AKR1C8: variants seen among roughly 807,000 people sequenced by gnomAD.
AKR1C8 encodes the protein aldo-keto reductase family 1 member C-like protein 1.
At chr10:5,125,144 T>C in the AKR1C8 span, among the ~76,000 whole-genome samples, 1 of 152,192 alleles carries the variant, frequency 6.6e-6, no homozygotes, top group African/African-American at 2.4e-5. Context: ...ACACATCTTT[T>C]ATTAGGTATA....
the AKR1C8 span, chr10:5,132,619 T>C: frequency 6.3e-7 from 1 of 1,583,558 alleles, no homozygotes; most frequent in Admixed American, 1.7e-5. Context: ...GTGTAGAATA[T>C]GTCTTCTCTC....
chr10:5,137,531 C>G, the AKR1C8 span, among the ~76,000 whole-genome samples: 2 of 152,022 alleles, frequency 1.3e-5, no homozygotes, highest in Non-Finnish European at 2.9e-5. Flanking sequence ...GAGAAAAGGC[C>G]TTCGACAAAA....
the AKR1C8 span, among the ~76,000 whole-genome samples, chr10:5,182,508 G>C: frequency 3.9e-5 from 6 of 152,090 alleles, no homozygotes; most frequent in African/African-American, 1.4e-4. Context: ...ATAAATATTT[G>C]AGAGTACAAA....
At chr10:5,127,401 T>A in the AKR1C8 span, among the ~76,000 whole-genome samples, 1 of 152,182 alleles carries the variant, frequency 6.6e-6, no homozygotes, top group Non-Finnish European at 1.5e-5. Flanking sequence ...ACAAGGCTTT[T>A]GAATTAACCC....
At chr10:5,152,080 G>T in the AKR1C8 span, among the ~76,000 whole-genome samples, 4 of 152,026 alleles carry the variant, frequency 2.6e-5, no homozygotes, top group Non-Finnish European at 4.4e-5. Flanking sequence ...TAAACAAACA[G>T]CATACTATCA....
At chr10:5,121,545 T>TAATGCCACATTAAGGAGA in the AKR1C8 span, among the ~76,000 whole-genome samples, 1 of 152,072 alleles carries the variant, frequency 6.6e-6, no homozygotes, top group African/African-American at 2.4e-5. Flanking sequence ...CCTGAAAAGG[T>TAATGCCACATTAAGGAGA]AATGCCACAT....
the AKR1C8 span, among the ~76,000 whole-genome samples, chr10:5,155,924 C>T: frequency 7.9e-5 from 12 of 152,286 alleles, no homozygotes; most frequent in Non-Finnish European, 1.8e-4. Flanking sequence ...CACCTGAGAC[C>T]TCTTCCACCT....
At chr10:5,135,543 T>TATCTATCTATCTATCATCTATC in the AKR1C8 span, among the ~76,000 whole-genome samples, 9 of 149,816 alleles carry the variant, frequency 6.0e-5, no homozygotes, top group Non-Finnish European at 8.8e-5. Flanking sequence ...GGCTATCTAT[T>TATCTATCTATCTATCATCTATC]ATCTATCTAT....
the AKR1C8 span, among the ~76,000 whole-genome samples, chr10:5,141,766 C>G: frequency 6.6e-6 from 1 of 152,130 alleles, no homozygotes. Context: ...TTATTTTAAA[C>G]AGTAGACTTG....
At chr10:5,179,585 G>T in the AKR1C8 span, among the ~76,000 whole-genome samples, 4 of 150,376 alleles carry the variant, frequency 2.7e-5, no homozygotes, top group African/African-American at 9.9e-5. Flanking sequence ...TTCCAACTTG[G>T]TTCCATTCTC....
chr10:5,131,368 G>C, the AKR1C8 span, among the ~76,000 whole-genome samples: 1 of 152,008 alleles, frequency 6.6e-6, no homozygotes, highest in Admixed American at 6.6e-5. Flanking sequence ...CACAGCAAAA[G>C]AAATAATCAT....
At chr10:5,151,319 C>T in the AKR1C8 span, among the ~76,000 whole-genome samples, 1 of 151,280 alleles carries the variant, frequency 6.6e-6, no homozygotes. Flanking sequence ...TATATTAGTC[C>T]TACTAAAGCA....
the AKR1C8 span, chr10:5,184,965 C>A: frequency 1.9e-6 from 1 of 530,834 alleles, no homozygotes; most frequent in Non-Finnish European, 3.9e-6. Flanking sequence ...GACTGCCCTG[C>A]AAGTACAGCT....
chr10:5,163,048 A>G, the AKR1C8 span: 1 of 514,508 alleles, frequency 1.9e-6, no homozygotes, highest in African/African-American at 1.9e-5. Flanking sequence ...AGAGTTGTTG[A>G]TCTGCCCAAC....
At chr10:5,148,630 C>G in the AKR1C8 span, among the ~76,000 whole-genome samples, 2 of 152,124 alleles carry the variant, frequency 1.3e-5, no homozygotes, top group African/African-American at 4.8e-5. Context: ...TACTATCTTA[C>G]ACGTGAAAAC....
the AKR1C8 span, among the ~76,000 whole-genome samples, chr10:5,181,002 G>A: frequency 8.9e-3 from 1,348 of 152,214 alleles, 55 homozygotes; most frequent in East Asian, 0.028. Flanking sequence ...ACTGTCCTGT[G>A]CCCACTGTCT....
chr10:5,169,924 C>A, the AKR1C8 span, among the ~76,000 whole-genome samples: 2 of 152,034 alleles, frequency 1.3e-5, no homozygotes, highest in Admixed American at 6.6e-5. Context: ...TATTTGTTGA[C>A]AATGATATTT....
the AKR1C8 span, chr10:5,184,912 C>A: frequency 4.9e-6 from 2 of 410,310 alleles, no homozygotes; most frequent in East Asian, 7.1e-5. Flanking sequence ...ATGAGCCCTT[C>A]CAAGCATCCA....
At chr10:5,169,113 C>T in the AKR1C8 span, among the ~76,000 whole-genome samples, 68 of 152,268 alleles carry the variant, frequency 4.5e-4, no homozygotes, top group South Asian at 6.2e-4. Context: ...TAACACCGCA[C>T]CTCCCCCTGT....
Sources: gnomAD v4.1 joint callset for allele counts (sites outside exome capture counted in the v4.1 genomes callset) on GRCh38, gnomAD v4.1.1 for gene constraint, MANE v1.5 for transcripts, NCBI Gene and HGNC (gene_info 2026-07-23, HGNC 2026-07-21) for gene names.